The following ASAH2 variants were observed in gnomAD, a reference collection of about 807,000 sequenced individuals.
The protein encoded by ASAH2 is N-acylsphingosine amidohydrolase 2.
ASAH2 carries 58 observed loss-of-function variants against 82.9 expected under a neutral mutation model. The ratio of observed to expected loss-of-function variants is 0.70; its 90% CI spans 0.57 to 0.87. The LOEUF is 0.87. ASAH2 is among the 40% of genes least tolerant of loss of function. The pLI is 0.00. For missense variants in ASAH2, 779 were observed against 834.0 expected, an observed-to-expected ratio of 0.93 and a Z score of 0.81; for synonymous variants, 276 against 289.7, an observed-to-expected ratio of 0.95 and a Z score of 0.48.
intron 2 of ASAH2, among the ~76,000 whole-genome samples, chr10:50,245,691 T>G (rs1376384820): frequency 1.3e-5 from 2 of 152,184 alleles, no homozygotes; most frequent in Non-Finnish European, 2.9e-5. Flanking sequence ...CTTCAACTCC[T>G]CATCACGAGC....
chr10:50,213,840 G>A (rs1589333396), intron 9 of ASAH2, among the ~76,000 whole-genome samples: 1 of 152,058 alleles, frequency 6.6e-6, no homozygotes, highest in African/African-American at 2.4e-5. Flanking sequence ...TATTAATACT[G>A]GTTTAACCCC....
chr10:50,236,495 C>T (rs902579654), intron 4 of ASAH2, among the ~76,000 whole-genome samples: 10,301 of 152,094 alleles, frequency 0.068, 883 homozygotes, highest in African/African-American at 0.19. Flanking sequence ...ATTATGGTAA[C>T]TAAAACTCAA....
At chr10:50,227,831 C>T (rs962321511) in intron 7 of ASAH2, among the ~76,000 whole-genome samples, 1 of 152,096 alleles carries the variant, frequency 6.6e-6, no homozygotes, top group Non-Finnish European at 1.5e-5. Flanking sequence ...CATCTAAAAG[C>T]CCTTTTAGGC....
intron 4 of ASAH2, 43 bp from the exon 5 acceptor site, chr10:50,236,107 A>G: frequency 6.4e-7 from 1 of 1,569,456 alleles, no homozygotes; most frequent in East Asian, 2.2e-5. Context: ...GGGATAACAT[A>G]GGAGCTCAAC....
chr10:50,217,985 C>G (rs1232762224), intron 8 of ASAH2, among the ~76,000 whole-genome samples: 1 of 152,114 alleles, frequency 6.6e-6, no homozygotes, highest in East Asian at 1.9e-4. Context: ...ATTAGCTGGG[C>G]GTGGGGGTGT....
At chr10:50,245,138 G>T in intron 3 of ASAH2, 84 bp downstream of exon 3, 1 of 1,137,866 alleles carries the variant, frequency 8.8e-7, no homozygotes, top group Non-Finnish European at 1.3e-6. Flanking sequence ...TGATGATGTT[G>T]TAATAATCAG....
intron 7 of ASAH2, among the ~76,000 whole-genome samples, chr10:50,225,563 C>CT (rs1845858618): frequency 6.6e-6 from 1 of 152,084 alleles, no homozygotes; most frequent in South Asian, 2.1e-4. Flanking sequence ...AGTGATTTGA[C>CT]TTTTTTAAGC....
intron 2 of ASAH2, among the ~76,000 whole-genome samples, 168 bp downstream of exon 2, chr10:50,248,316 G>T (rs1035483960): frequency 6.6e-6 from 1 of 152,222 alleles, no homozygotes; most frequent in African/African-American, 2.4e-5. Flanking sequence ...GATAAAAATT[G>T]CTATCAATGC....
At chr10:50,221,954 A>T (rs1845761121) in intron 7 of ASAH2, among the ~76,000 whole-genome samples, 1 of 152,152 alleles carries the variant, frequency 6.6e-6, no homozygotes. Context: ...AGAGCTACGC[A>T]AAGGAATCAC....
chr10:50,229,467 G>T (rs1845973362), intron 7 of ASAH2, among the ~76,000 whole-genome samples: 1 of 152,120 alleles, frequency 6.6e-6, no homozygotes. Context: ...GGGCTTAATG[G>T]TTCATGGAAT....
At chr10:50,238,985 T>A (rs1846227241) in intron 4 of ASAH2, among the ~76,000 whole-genome samples, 2 of 152,162 alleles carry the variant, frequency 1.3e-5, no homozygotes, top group Admixed American at 1.3e-4. Context: ...ATAACGTGTT[T>A]CCCAGTTCAT....
chr10:50,231,615 C>T (rs1276642035), intron 7 of ASAH2, among the ~76,000 whole-genome samples: 1 of 152,180 alleles, frequency 6.6e-6, no homozygotes, highest in South Asian at 2.1e-4. Flanking sequence ...CCCACTCACA[C>T]AGTTACATGC....
Position 50,187,070 on chromosome 10 carries a change from A to T in ASAH2, c.*245T>A. 1 of 469,992 alleles carries T rather than the reference A, an allele frequency of 2.1e-6. No homozygotes were observed. The highest frequency in any genetic ancestry group is 3.9e-5 in the Admixed American group (1 of 25,880). 29.1% of individuals were successfully genotyped at this position (469,992 alleles called of 1,614,324 possible). ...CAAGATATATGGCTGCTGGAGCAAG[A>T]TATATGGGACAAACCTCTCTCTCTC... On this transcript the variant is annotated 3_prime_UTR_variant, in exon 21 of 21. Transcript: ENST00000682911.
chr10:50,247,486 A>G (rs1326975859), intron 2 of ASAH2, among the ~76,000 whole-genome samples: 1 of 151,902 alleles, frequency 6.6e-6, no homozygotes, highest in African/African-American at 2.4e-5. Flanking sequence ...ATTCTTAATG[A>G]TCCTTTCACT....
At chr10:50,207,005 G>T (rs1335528478) in intron 12 of ASAH2, among the ~76,000 whole-genome samples, 1 of 151,872 alleles carries the variant, frequency 6.6e-6, no homozygotes, top group Non-Finnish European at 1.5e-5. Context: ...ACAGTGAAAT[G>T]AAATTAAAAA....
At chr10:50,197,154 C>T (rs2669791) in intron 17 of ASAH2, among the ~76,000 whole-genome samples, 27,550 of 145,034 alleles carry the variant, frequency 0.19, 3,295 homozygotes, top group East Asian at 0.36. Flanking sequence ...GCAACTCTTT[C>T]ATTCCCCTAG....
intron 7 of ASAH2, among the ~76,000 whole-genome samples, chr10:50,229,265 C>T (rs1234549183): frequency 6.6e-6 from 1 of 151,948 alleles, no homozygotes; most frequent in Non-Finnish European, 1.5e-5. Context: ...AAATGTTACA[C>T]AGCTTATATT....
intron 7 of ASAH2, among the ~76,000 whole-genome samples, chr10:50,227,617 T>C (rs1845922575): frequency 1.3e-5 from 2 of 152,156 alleles, no homozygotes; most frequent in Non-Finnish European, 2.9e-5. Context: ...ACACTATTTT[T>C]ATACTGAAAA....
intron 15 of ASAH2, 133 bp from the exon 16 acceptor site, chr10:50,203,057 T>A (rs1845198659): frequency 1.4e-6 from 1 of 689,916 alleles, no homozygotes; most frequent in Non-Finnish European, 2.6e-6. Context: ...TTTTTCTAAC[T>A]CTGCACTACA....
Sources: allele counts gnomAD v4.1 joint callset (sites outside exome capture counted in the v4.1 genomes callset), GRCh38; gene constraint gnomAD v4.1.1; transcripts MANE v1.5; gene names NCBI Gene and HGNC (gene_info 2026-07-23, HGNC 2026-07-21).